Variants in CUX1 observed in about 807,000 individuals in gnomAD.
CUX1 encodes the protein cut like homeobox 1.
CUX1 carries 31 observed loss-of-function variants against 158.8 expected under a neutral mutation model. The ratio of observed to expected loss-of-function variants is 0.20; its 90% confidence interval spans 0.15 to 0.26. The LOEUF (loss-of-function observed/expected upper bound fraction) is 0.26. CUX1 is among the 10% of genes least tolerant of loss of function. The pLI, the probability that CUX1 is intolerant of heterozygous loss-of-function variation, is 1.00. For synonymous variants in CUX1, 879 were observed against 862.1 expected, an observed-to-expected ratio of 1.02 and a Z score of -0.34; for missense variants, 1,589 against 2,014.6, an observed-to-expected ratio of 0.79 and a Z score of 4.04.
chr7:101,939,813 T>A (rs1175771091), intron 2 of CUX1, among the ~76,000 whole-genome samples: 1 of 151,050 alleles, frequency 6.6e-6, no homozygotes, highest in Admixed American at 6.6e-5. Flanking sequence ...ATACAAAAAT[T>A]GGGGCTGAGC....
At chr7:101,987,720 C>T (rs183352128) in intron 2 of CUX1, among the ~76,000 whole-genome samples, 11 of 152,308 alleles carry the variant, frequency 7.2e-5, no homozygotes, top group Admixed American at 1.3e-4. Context: ...CCTTGGTCAT[C>T]CGAGGGAGGA....
At position 102,276,368 on chromosome 7, in the gene CUX1, C is replaced by A. The variant is rs1414523981; in HGVS notation, c.1563+1009C>A. ...CCAGGCTGGAGTGCAGTGGCACAAT[C>A]CTGGCTCACTGCAACCTCCACCTCC... On this transcript the variant is annotated intron_variant, in intron 17 of 22. Transcript: ENST00000292538. Among the ~76,000 whole-genome samples, 3 of 152,318 alleles carry A rather than the reference C, an allele frequency of 2.0e-5. No homozygotes were observed. The East Asian group carries it at 5.8e-4, about 29-fold the overall frequency.
chr7:101,986,911 C>G (rs1167720259), intron 2 of CUX1, among the ~76,000 whole-genome samples: 2 of 152,156 alleles, frequency 1.3e-5, no homozygotes, highest in Admixed American at 6.5e-5. Context: ...GCCTGAAGGA[C>G]AAGCCAGCTC....
At chr7:102,164,568 A>G (rs1790802626) in intron 9 of CUX1, among the ~76,000 whole-genome samples, 1 of 152,200 alleles carries the variant, frequency 6.6e-6, no homozygotes, top group African/African-American at 2.4e-5. Context: ...GTTGGAAACC[A>G]CAGCTGACCC....
chr7:102,009,397 G>C (rs1167906645), intron 2 of CUX1, among the ~76,000 whole-genome samples: 1 of 152,220 alleles, frequency 6.6e-6, no homozygotes, highest in Non-Finnish European at 1.5e-5. Flanking sequence ...GAAAGGCTGC[G>C]TGGGGCTGCA....
At chr7:102,130,389 A>G (rs537727114) in intron 8 of CUX1, among the ~76,000 whole-genome samples, 1 of 152,284 alleles carries the variant, frequency 6.6e-6, no homozygotes, top group Non-Finnish European at 1.5e-5. Context: ...AATAAAAATT[A>G]TGTAGTGTTG....
In CUX1 at chr7:101,831,043, G is replaced by C. The variant is rs139483984; in HGVS notation, c.30+13374G>C. On this transcript the variant is annotated intron_variant, in intron 1 of 23. Coordinates refer to ENST00000292535, the MANE Select transcript of CUX1 (RefSeq NM_181552.4). ...GGTTACCCAAAGAAATATACTTCTG[G>C]CCTGCTGGTTGGTCAGAGAATGCAG... Among the ~76,000 whole-genome samples the C allele has an allele frequency of 1.5e-3, 231 of 152,226 alleles. 1 individual carries two copies. Among genetic ancestry groups the C allele is most frequent in the African/African-American group, 5.4e-3 (225 of 41,528 alleles).
intron 2 of CUX1, among the ~76,000 whole-genome samples, chr7:101,932,930 T>C (rs1806450958): frequency 6.6e-6 from 1 of 152,226 alleles, no homozygotes; most frequent in Non-Finnish European, 1.5e-5. Context: ...GTATTTTTCT[T>C]TTTACTGAAA....
chr7:102,151,683 G>T (rs1554503629), intron 8 of CUX1, among the ~76,000 whole-genome samples: 1 of 129,918 alleles, frequency 7.7e-6, no homozygotes, highest in Non-Finnish European at 1.6e-5. Flanking sequence ...AGTTGAGATT[G>T]TGCTACTGCA....
intron 1 of CUX1, among the ~76,000 whole-genome samples, chr7:101,862,548 G>C (rs1797565220): frequency 6.6e-6 from 1 of 152,102 alleles, no homozygotes; most frequent in Admixed American, 6.5e-5. Flanking sequence ...CCTTCTGTTG[G>C]GCTGGCTCAG....
At chr7:102,120,861 T>C (rs201507) in intron 8 of CUX1, among the ~76,000 whole-genome samples, 94,353 of 151,980 alleles carry the variant, frequency 0.62, 30,970 homozygotes, top group African/African-American at 0.79. Flanking sequence ...CCCAAGAGTT[T>C]GAGACCAGCC....
At chr7:102,262,899 C>T (rs1362953595), downstream of CUX1, among the ~76,000 whole-genome samples, 1 of 152,032 alleles carries the variant, frequency 6.6e-6, no homozygotes, top group Non-Finnish European at 1.5e-5. Context: ...AGGAGCTCAC[C>T]TTCTTGTGGG....
intron 16 of CUX1, among the ~76,000 whole-genome samples, chr7:102,275,062 C>G (rs1451692088): frequency 5.3e-5 from 8 of 152,162 alleles, no homozygotes; most frequent in Non-Finnish European, 5.9e-5. Flanking sequence ...TCTCACGCTC[C>G]CCGGTTCCCC....
At chr7:101,952,913 A>G (rs984705812) in intron 2 of CUX1, among the ~76,000 whole-genome samples, 1 of 152,214 alleles carries the variant, frequency 6.6e-6, no homozygotes, top group African/African-American at 2.4e-5. Flanking sequence ...CCAGGAGGAC[A>G]TGGGCTCTGT....
intron 1 of CUX1, among the ~76,000 whole-genome samples, chr7:101,821,054 G>C (rs985175291): frequency 6.6e-6 from 1 of 152,124 alleles, no homozygotes; most frequent in Non-Finnish European, 1.5e-5. Context: ...TGTGTGTGCC[G>C]ATAATGGAGT....
At chr7:102,131,342 G>C (rs1186444557) in intron 8 of CUX1, among the ~76,000 whole-genome samples, 1 of 151,962 alleles carries the variant, frequency 6.6e-6, no homozygotes, top group Non-Finnish European at 1.5e-5. Flanking sequence ...TCAAAACTAA[G>C]AAAAAGTTGT....
At chr7:102,160,063 C>G (rs1554506598) in intron 9 of CUX1, among the ~76,000 whole-genome samples, 1 of 152,028 alleles carries the variant, frequency 6.6e-6, no homozygotes. Context: ...CACCTGTCAT[C>G]CCAGCTGTTC....
intron 1 of CUX1, among the ~76,000 whole-genome samples, chr7:101,833,203 C>T (rs1378087970): frequency 6.6e-6 from 1 of 150,378 alleles, no homozygotes; most frequent in South Asian, 2.1e-4. Flanking sequence ...GAGTTCAAGA[C>T]CAGCCTGGGC....
At chr7:101,823,116 A>G (rs1401391093) in intron 1 of CUX1, among the ~76,000 whole-genome samples, 3 of 152,270 alleles carry the variant, frequency 2.0e-5, no homozygotes, top group Non-Finnish European at 1.5e-5. Flanking sequence ...GACCGTTGGC[A>G]GAAATTTTGT....
Sources: gnomAD v4.1 joint callset for allele counts (sites outside exome capture counted in the v4.1 genomes callset) on GRCh38, gnomAD v4.1.1 for gene constraint, MANE v1.5 for transcripts, NCBI Gene and HGNC (gene_info 2026-07-23, HGNC 2026-07-21) for gene names.